SMPDL3B: variants seen among roughly 807,000 people sequenced by gnomAD.
The protein encoded by SMPDL3B is acid sphingomyelinase-like phosphodiesterase 3b.
A neutral mutation model predicts 37.9 loss-of-function variants in SMPDL3B; 31 were observed. The ratio of observed to expected loss-of-function variants is 0.82; its 90% CI spans 0.61 to 1.10. The LOEUF is 1.10. Ranked by LOEUF, SMPDL3B falls within the 50% of genes least tolerant of loss-of-function variation. SMPDL3B has a pLI of 0.00. For missense variants in SMPDL3B, 525 were observed against 597.8 expected (o/e 0.88, Z 1.27); for synonymous variants, 235 against 242.6 (o/e 0.97, Z 0.29).
chr1:27,943,784 A>C (rs1231352799), intron 1 of SMPDL3B, among the ~76,000 whole-genome samples: 1 of 151,762 alleles, frequency 6.6e-6, no homozygotes, highest in East Asian at 1.9e-4. Flanking sequence ...GGATCACCTG[A>C]GGTCAAGGAG....
At chr1:27,956,537 A>G in intron 7 of SMPDL3B, 1 of 1,055,224 alleles carries the variant, frequency 9.5e-7, no homozygotes, top group Non-Finnish European at 1.1e-6. Flanking sequence ...CCGTACACAG[A>G]CGAGGCTCCA....
At chr1:27,949,319 C>G (rs2090436110) in intron 3 of SMPDL3B, among the ~76,000 whole-genome samples, 157 bp downstream of exon 3, 1 of 152,216 alleles carries the variant, frequency 6.6e-6, no homozygotes, top group Non-Finnish European at 1.5e-5. Context: ...TTCTCACCTT[C>G]CTAACAAGCC....
intron 1 of SMPDL3B, among the ~76,000 whole-genome samples, chr1:27,942,052 C>T (rs931137826): frequency 3.9e-5 from 6 of 152,154 alleles, no homozygotes; most frequent in African/African-American, 1.4e-4. Flanking sequence ...CATGTACACA[C>T]ACCCTTCAGC....
chr1:27,958,466 CT>C lies in SMPDL3B; in HGVS notation c.1006-5del. 8 of 1,592,744 alleles carry C rather than the reference CT, an allele frequency of 5.0e-6. No individual in the cohort carries two copies. The highest frequency in any genetic ancestry group is 2.3e-5 in the East Asian group (1 of 44,402). The stretch of plus-strand genomic sequence containing the variant: ...GCTCACAGCCGGTCTACCCCAAACC[CT>C]TTTTCCAGGACATGGTGACCTACTT... On this transcript the variant is annotated splice_polypyrimidine_tract_variant and intron_variant, in intron 7 of 7. Transcript: ENST00000373894. This position sits in a 1 kb window ranked among gnomAD's most constrained non-coding sequence, Gnocchi z 5.6.
At chr1:27,951,765 C>T (rs914369523) in intron 3 of SMPDL3B, among the ~76,000 whole-genome samples, 3 of 152,184 alleles carry the variant, frequency 2.0e-5, no homozygotes, top group Non-Finnish European at 4.4e-5. Context: ...AGGAGGATCA[C>T]TTGACCCCAG....
intron 2 of SMPDL3B, 121 bp from the exon 3 acceptor site, chr1:27,948,944 C>G (rs1248594691): frequency 6.5e-7 from 1 of 1,546,560 alleles, no homozygotes; most frequent in Admixed American, 1.9e-5. Context: ...GCCATTCCCC[C>G]TCAAGGGGAC....
At chr1:27,944,571 G>A (rs10902679) in intron 1 of SMPDL3B, among the ~76,000 whole-genome samples, 28,706 of 151,844 alleles carry the variant, frequency 0.19, 3,239 homozygotes, top group Admixed American at 0.25. Context: ...GCCCAGGCTG[G>A]TCTTGAACTC....
intron 7 of SMPDL3B, chr1:27,956,364 A>T: frequency 7.6e-7 from 1 of 1,321,402 alleles, no homozygotes; most frequent in African/African-American, 1.5e-5. Flanking sequence ...TCCGCTACAC[A>T]AGAGAGAAGA....
At chr1:27,953,458 C>G in intron 4 of SMPDL3B, 100 bp downstream of exon 4, 2 of 1,102,972 alleles carry the variant, frequency 1.8e-6, no homozygotes, top group Non-Finnish European at 2.5e-6. Context: ...GATTTTATCC[C>G]CAATTTACAG....
intron 2 of SMPDL3B, 28 bp from the exon 3 acceptor site, chr1:27,949,037 C>T (rs201591714): frequency 1.2e-6 from 2 of 1,614,080 alleles, no homozygotes; most frequent in East Asian, 2.2e-5. Context: ...AGTTGCCTGC[C>T]CCAAATTGGC....
Position 27,955,865 on chromosome 1 carries a change from G to A in SMPDL3B, c.871+1G>A, listed in dbSNP as rs367762323. The A allele has an allele frequency of 1.1e-5, 17 of 1,612,546 alleles. No individual in the cohort carries two copies. Among genetic ancestry groups the A allele is most frequent in the Middle Eastern group, 1.6e-4 (1 of 6,084 alleles). On this transcript the variant is annotated splice_donor_variant, in intron 6 of 7. Coordinates refer to ENST00000373894, the MANE Select transcript of SMPDL3B (RefSeq NM_014474.4). LOFTEE classifies it high-confidence loss of function. ...TTTCGGATGCTCTATGATGATGCAGGTATTCAACCTGGAGGGCAACTGCCA... is the reference window on the plus strand; with the variant it reads ...TTTCGGATGCTCTATGATGATGCAGATATTCAACCTGGAGGGCAACTGCCA...
chr1:27,941,839 G>A (rs556402433), intron 1 of SMPDL3B, among the ~76,000 whole-genome samples: 2 of 152,292 alleles, frequency 1.3e-5, no homozygotes, highest in African/African-American at 4.8e-5. Context: ...AGCTGACAAG[G>A]TCGCTGGGAT....
At chr1:27,939,502 T>A in intron 1 of SMPDL3B, among the ~76,000 whole-genome samples, 1 of 152,050 alleles carries the variant, frequency 6.6e-6, no homozygotes. Context: ...AATTTCTTTT[T>A]AAAAAGTAGC....
intron 7 of SMPDL3B, chr1:27,956,445 G>T: frequency 7.9e-7 from 1 of 1,271,538 alleles, no homozygotes; most frequent in Non-Finnish European, 1.0e-6. Context: ...GCTCCCCAGT[G>T]CCTTCAAGAT....
chr1:27,937,316 G>C (rs2090318462), intron 1 of SMPDL3B, among the ~76,000 whole-genome samples: 1 of 152,218 alleles, frequency 6.6e-6, no homozygotes, highest in South Asian at 2.1e-4. Flanking sequence ...TCCCCTGTGG[G>C]TTAGCTTGGT....
At chr1:27,947,088 G>A (rs1408903593) in intron 2 of SMPDL3B, among the ~76,000 whole-genome samples, 1 of 151,396 alleles carries the variant, frequency 6.6e-6, no homozygotes, top group East Asian at 1.9e-4. Context: ...CCAGGCTGGA[G>A]TGCAATGGCG....
intron 1 of SMPDL3B, chr1:27,936,586 C>T (rs768033696): frequency 6.6e-6 from 1 of 152,206 alleles, no homozygotes; most frequent in Non-Finnish European, 1.5e-5. Flanking sequence ...GAAGATCTCC[C>T]AGCTGGGAAA....
chr1:27,958,780 T>C lies in SMPDL3B; in HGVS notation c.1310T>C (p.Val437Ala). The change falls in exon 8 of 8, where the codon GTG becomes GCG. Residue 437 changes from valine to alanine, a missense_variant. By Grantham distance (64) the Val-to-Ala change is moderately conservative. Transcript: ENST00000373894. The surrounding 1 kb of genome is among the most constrained non-coding windows in gnomAD (Gnocchi z 5.6). Reference protein sequence around the residue: ...TCLYASGTTPVPQLPLLLMAL... With the variant: ...TCLYASGTTPAPQLPLLLMAL... Reference sequence around the variant, plus strand: ...CTGTATGCCTCTGGCACCACGCCCGTGCCCCAGCTCCCGCTGCTGCTGATG... The same window carrying C: ...CTGTATGCCTCTGGCACCACGCCCGCGCCCCAGCTCCCGCTGCTGCTGATG... 1 of 1,609,860 alleles carries C rather than the reference T, an allele frequency of 6.2e-7. No homozygotes were observed. Among genetic ancestry groups the C allele is most frequent in the Non-Finnish European group, 8.5e-7 (1 of 1,177,250 alleles).
In SMPDL3B at chr1:27,956,032, A is replaced by C. The variant is rs1445639675; in HGVS notation, c.955A>C (p.Asn319His). 1 of 1,614,108 alleles carries C rather than the reference A, an allele frequency of 6.2e-7. No homozygotes were observed. The highest frequency in any genetic ancestry group is 1.7e-5 in the Admixed American group (1 of 60,018). ...TLPGVVNGANNPAIRVFEYDR... is the reference protein window; with the variant it reads ...TLPGVVNGANHPAIRVFEYDR... ...ACCTGGAGTGGTCAATGGGGCCAACAATCCAGCCATCCGGGTGTTCGAATA... is the reference window on the plus strand; with the variant it reads ...ACCTGGAGTGGTCAATGGGGCCAACCATCCAGCCATCCGGGTGTTCGAATA... Residue 319 changes from asparagine (N) to histidine (H), a missense_variant, in exon 7 of 8, where the codon AAT becomes CAT. By Grantham distance (68) the Asn-to-His change is moderately conservative (BLOSUM62 1). Coordinates refer to ENST00000373894, the MANE Select transcript of SMPDL3B (RefSeq NM_014474.4).
Sources: allele counts gnomAD v4.1 joint callset (sites outside exome capture counted in the v4.1 genomes callset), GRCh38; gene constraint gnomAD v4.1.1; non-coding constraint Gnocchi (gnomAD v3.1); transcripts MANE v1.5; gene names NCBI Gene and HGNC (gene_info 2026-07-23, HGNC 2026-07-21).